PLCZ1: variants seen among roughly 807,000 people sequenced by gnomAD.
PLCZ1 encodes the protein phospholipase C zeta 1.
In PLCZ1, 64 loss-of-function variants were observed where a neutral mutation model predicts 76.8. The observed-to-expected ratio is 0.83, with a 90% CI of 0.68 to 1.03. The LOEUF (loss-of-function observed/expected upper bound fraction) is 1.03, where lower values mean the gene tolerates loss of function less well. Among genes scored for constraint, PLCZ1 ranks in the 50% least tolerant of loss-of-function variants. PLCZ1 has a pLI of 0.00. For missense variants in PLCZ1, 751 were observed against 713.7 expected (o/e 1.05, Z -0.60); for synonymous variants, 248 against 230.8 (o/e 1.07, Z -0.68).
At position 18,699,846 on chromosome 12, in the gene PLCZ1, A is replaced by G; in HGVS notation, c.1122T>C (p.Asn374=). The G allele has an allele frequency of 3.1e-6, 5 of 1,613,560 alleles. No individual in the cohort carries two copies. In the South Asian group the frequency reaches 4.4e-5, roughly 14 times the overall value. ...GTGTCTCCCCAATAGAATTATTTTC[A>G]TTAAATTGCTGATATAATCTTGAAT... is the stretch of plus-strand genomic sequence containing the variant. ...FQHSRLYQQF[N]ENNSIGETQA... Residue 374 remains asparagine, a synonymous_variant, in exon 10 of 15, where the codon AAT becomes AAC. Transcript: ENST00000266505.
At chr12:18,728,150 G>C (rs1271528261) in intron 3 of PLCZ1, among the ~76,000 whole-genome samples, 1 of 152,182 alleles carries the variant, frequency 6.6e-6, no homozygotes, top group African/African-American at 2.4e-5. Flanking sequence ...CAGGCAAATG[G>C]TTGTGTGTTA....
chr12:18,668,886 TG>T, the PLCZ1 span, among the ~76,000 whole-genome samples: 7 of 152,132 alleles, frequency 4.6e-5, no homozygotes, highest in Non-Finnish European at 1.0e-4. Flanking sequence ...TGGATCTTTT[TG>T]GACTTTCAAT....
At chr12:18,657,976 T>C in the PLCZ1 span, among the ~76,000 whole-genome samples, 1 of 151,948 alleles carries the variant, frequency 6.6e-6, no homozygotes, top group African/African-American at 2.4e-5. Flanking sequence ...TCACTTCAAA[T>C]AGAAAACTTC....
At chr12:18,710,390 A>G (rs1318199225) in intron 6 of PLCZ1, among the ~76,000 whole-genome samples, 2 of 151,976 alleles carry the variant, frequency 1.3e-5, no homozygotes, top group Non-Finnish European at 2.9e-5. Flanking sequence ...GAAAAGGACT[A>G]AGGAGGCCAG....
chr12:18,708,608 A>G (rs550765432), intron 6 of PLCZ1, among the ~76,000 whole-genome samples: 8 of 152,280 alleles, frequency 5.3e-5, no homozygotes, highest in African/African-American at 1.9e-4. Context: ...TGGTGGTACC[A>G]ATCTACATTT....
the PLCZ1 span, among the ~76,000 whole-genome samples, chr12:18,674,110 G>A: frequency 0.6 from 90,824 of 152,046 alleles, 27,305 homozygotes; most frequent in South Asian, 0.66. Flanking sequence ...GAATAAAATC[G>A]AAAGACAAAG....
At chr12:18,696,084 T>A in intron 11 of PLCZ1, 66 bp downstream of exon 11, 1 of 903,896 alleles carries the variant, frequency 1.1e-6, no homozygotes, top group Non-Finnish European at 1.7e-6. Flanking sequence ...GAGTTTTTCA[T>A]ACATTCATAA....
the PLCZ1 span, among the ~76,000 whole-genome samples, chr12:18,665,934 C>CAAA: frequency 3.9e-5 from 5 of 128,448 alleles, no homozygotes; most frequent in Non-Finnish European, 1.6e-5. Context: ...GACTCCATCT[C>CAAA]AAAAAAAAAA....
At chr12:18,660,561 G>C in the PLCZ1 span, among the ~76,000 whole-genome samples, 3 of 151,810 alleles carry the variant, frequency 2.0e-5, no homozygotes, top group Non-Finnish European at 4.4e-5. Flanking sequence ...GAAAGTAACT[G>C]TGCATGCCCG....
At chr12:18,737,294 A>T in intron 2 of PLCZ1, 67 bp downstream of exon 2, 1 of 1,525,332 alleles carries the variant, frequency 6.6e-7, no homozygotes, top group Non-Finnish European at 9.1e-7. Flanking sequence ...AAAGAATAAC[A>T]GCATCAAGTA....
In PLCZ1 at chr12:18,684,128, A is replaced by G. The variant is rs755602555; in HGVS notation, c.1741+2T>C. 2.5e-6 allele frequency: 4 copies of G among 1,611,244 alleles called. No homozygotes were observed. The highest frequency in any genetic ancestry group is 1.3e-5 in the African/African-American group (1 of 74,910). ...CAATCATCTAACTTTTAGGGACATTACCTTTGTTCATGCATAGAAGTGGCA... is the reference window on the plus strand; with the variant it reads ...CAATCATCTAACTTTTAGGGACATTGCCTTTGTTCATGCATAGAAGTGGCA... On this transcript the variant is annotated splice_donor_variant, in intron 14 of 14. Coordinates refer to ENST00000266505, the MANE Select transcript of PLCZ1 (RefSeq NM_033123.4). LOFTEE classifies it high-confidence loss of function.
At chr12:18,687,015 A>G (rs1953253631) in intron 13 of PLCZ1, among the ~76,000 whole-genome samples, 1 of 152,038 alleles carries the variant, frequency 6.6e-6, no homozygotes, top group Non-Finnish European at 1.5e-5. Flanking sequence ...AGGGAACAAG[A>G]GATAGATTAT....
At chr12:18,681,019 G>GT (rs1211626686), downstream of PLCZ1, among the ~76,000 whole-genome samples, 1 of 152,044 alleles carries the variant, frequency 6.6e-6, no homozygotes, top group African/African-American at 2.4e-5. Context: ...CGATATTCAT[G>GT]TTTTTGCCGT....
At chr12:18,718,183 A>C (rs1958196688) in intron 5 of PLCZ1, among the ~76,000 whole-genome samples, 1 of 152,130 alleles carries the variant, frequency 6.6e-6, no homozygotes, top group Admixed American at 6.5e-5. Context: ...AGATATTTTC[A>C]AGTATTGGGA....
At position 18,736,361 on chromosome 12, in the gene PLCZ1, G is replaced by A. The variant is rs775827657; in HGVS notation, c.12-17C>T. On this transcript the variant is annotated splice_polypyrimidine_tract_variant and intron_variant, in intron 2 of 14. Transcript: ENST00000266505. ...AAAAACCATGTAGAAGCACAAAAAA[G>A]TTAAGGAAATTCTCACAGAAAGTCA... 76 of 1,607,778 alleles carry A rather than the reference G, an allele frequency of 4.7e-5. 1 individual carries two copies. Among genetic ancestry groups the A allele is most frequent in the Middle Eastern group, 3.4e-4 (2 of 5,866 alleles).
chr12:18,720,706 C>T (rs766954716), intron 4 of PLCZ1, among the ~76,000 whole-genome samples: 21 of 151,808 alleles, frequency 1.4e-4, no homozygotes, highest in Non-Finnish European at 1.9e-4. Flanking sequence ...TGATCTTTGG[C>T]AGAGAATTTT....
At chr12:18,735,596 G>C (rs73346968) in intron 3 of PLCZ1, among the ~76,000 whole-genome samples, 6,380 of 152,006 alleles carry the variant, frequency 0.042, 448 homozygotes, top group African/African-American at 0.14. Context: ...TCTTGGTTCA[G>C]TCTTGATGGG....
the PLCZ1 span, among the ~76,000 whole-genome samples, chr12:18,665,663 G>A: frequency 1.3e-5 from 2 of 152,188 alleles, no homozygotes; most frequent in Admixed American, 6.5e-5. Flanking sequence ...CGGTCTGGAC[G>A]CAGTGGCTCA....
At chr12:18,706,471 A>AT (rs1277085169) in intron 6 of PLCZ1, among the ~76,000 whole-genome samples, 6 of 152,210 alleles carry the variant, frequency 3.9e-5, no homozygotes, top group Non-Finnish European at 7.3e-5. Context: ...ATCAAAACTC[A>AT]TTGTTTTAGA....
Sources: gnomAD v4.1 joint callset for allele counts (sites outside exome capture counted in the v4.1 genomes callset) on GRCh38, gnomAD v4.1.1 for gene constraint, MANE v1.5 for transcripts, NCBI Gene and HGNC (gene_info 2026-07-23, HGNC 2026-07-21) for gene names.